The following KCNQ1 variants were observed in gnomAD, a reference collection of about 807,000 sequenced individuals.
The protein encoded by KCNQ1 is potassium voltage-gated channel subfamily KQT member 1.
In KCNQ1, 49 loss-of-function variants were observed where a neutral mutation model predicts 72.4. That is an observed-to-expected ratio of 0.68 (90% CI 0.54 to 0.86). The LOEUF (loss-of-function observed/expected upper bound fraction) is 0.86, where lower values mean the gene tolerates loss of function less well. Among genes scored for constraint, KCNQ1 ranks in the 40% least tolerant of loss-of-function variants. The pLI, the probability that KCNQ1 is intolerant of heterozygous loss-of-function variation, is 0.00. For synonymous variants in KCNQ1, 450 were observed against 412.6 expected, an observed-to-expected ratio of 1.09 and a Z score of -1.10; for missense variants, 790 against 945.1, an observed-to-expected ratio of 0.84 and a Z score of 2.15.
intron 10 of KCNQ1, chr11:2,643,441 A>T: frequency 2.5e-6 from 1 of 397,734 alleles, no homozygotes; most frequent in African/African-American, 2.1e-5. Context: ...TTTTAGCTTA[A>T]CCTTTGTTTT....
intron 11 of KCNQ1, chr11:2,696,886 T>C (rs1850686085): frequency 5.0e-6 from 2 of 398,620 alleles, no homozygotes; most frequent in Non-Finnish European, 4.4e-6. Flanking sequence ...TGGTTTGTTT[T>C]TGTTTTTTGT....
At chr11:2,665,342 A>G (rs1438534118) in intron 11 of KCNQ1, 2 of 398,284 alleles carry the variant, frequency 5.0e-6, no homozygotes, top group Non-Finnish European at 8.8e-6. Flanking sequence ...GTAGGCCTGC[A>G]TGGGCAGTTG....
intron 15 of KCNQ1, among the ~76,000 whole-genome samples, chr11:2,837,663 G>A (rs1164369402): frequency 6.6e-6 from 1 of 152,172 alleles, no homozygotes; most frequent in East Asian, 1.9e-4. Context: ...ACCAGGAGGG[G>A]GAAGGGAGGG....
chr11:2,751,556 G>T (rs560614116), intron 11 of KCNQ1, among the ~76,000 whole-genome samples: 4 of 152,380 alleles, frequency 2.6e-5, no homozygotes, highest in African/African-American at 9.6e-5. Flanking sequence ...TTCACTGCTG[G>T]TGGGCACCAT....
In KCNQ1 at chr11:2,704,538, TAGG is replaced by T. The variant is rs986924796; in HGVS notation, c.1514+42461_1514+42463del. On this transcript the variant is annotated intron_variant, in intron 11 of 15. Coordinates refer to ENST00000155840, the MANE Select transcript of KCNQ1 (RefSeq NM_000218.3). The surrounding 1 kb of genome is among the most constrained non-coding windows in gnomAD (Gnocchi z 4.3). Reference sequence around the variant, plus strand: ...GAGGGGAGGCACAGTGGGGAGTCTCTAGGAGGTTTTGGGCAAGGCAGTGCCAAG... The same window carrying T: ...GAGGGGAGGCACAGTGGGGAGTCTCTAGGTTTTGGGCAAGGCAGTGCCAAG... Among the ~76,000 whole-genome samples the T allele has an allele frequency of 4.7e-4, 71 of 152,116 alleles. No homozygotes were observed. Among genetic ancestry groups the T allele is most frequent in the African/African-American group, 1.7e-3 (69 of 41,416 alleles).
At chr11:2,597,822 C>T (rs543237155) in intron 10 of KCNQ1, among the ~76,000 whole-genome samples, 1 of 152,128 alleles carries the variant, frequency 6.6e-6, no homozygotes, top group South Asian at 2.1e-4. Context: ...GTAATTTATT[C>T]ATTGCTATTT....
intron 15 of KCNQ1, among the ~76,000 whole-genome samples, chr11:2,836,745 C>T (rs891897028): frequency 3.3e-5 from 5 of 152,220 alleles, no homozygotes; most frequent in Admixed American, 6.5e-5. Context: ...TCGCCTCACT[C>T]GTGCTAAACC....
At chr11:2,643,765 T>C (rs1339635920) in intron 10 of KCNQ1, 6 of 398,484 alleles carry the variant, frequency 1.5e-5, no homozygotes, top group African/African-American at 6.2e-5. Flanking sequence ...TAAGCATTTT[T>C]TGTAGTGCCA....
intron 11 of KCNQ1, among the ~76,000 whole-genome samples, chr11:2,751,649 G>C (rs749887073): frequency 6.6e-6 from 1 of 152,262 alleles, no homozygotes; most frequent in Non-Finnish European, 1.5e-5. Flanking sequence ...TTCTGAGAGC[G>C]GTGGCTGTCC....
intron 15 of KCNQ1, 96 bp downstream of exon 15, chr11:2,778,133 G>T: frequency 8.1e-7 from 1 of 1,229,150 alleles, no homozygotes; most frequent in Non-Finnish European, 1.2e-6. Context: ...AGCTCCTGCA[G>T]GCCTCCCCAC....
rs1340847920 is a variant in KCNQ1, at chr11:2,628,492, A to T, written c.1394-33469A>T. Reference sequence around the variant, plus strand: ...ATCTTAACAGGTTATTAATTGGGTTATTAAGTTTTTTTGCTAGTTATATGA... The same window carrying T: ...ATCTTAACAGGTTATTAATTGGGTTTTTAAGTTTTTTTGCTAGTTATATGA... On this transcript the variant is annotated intron_variant, in intron 10 of 15. Transcript: ENST00000155840. 15 of 398,234 alleles carry T rather than the reference A, an allele frequency of 3.8e-5. No homozygotes were observed. The East Asian group carries it at 5.4e-4, about 14-fold the overall frequency. 24.7% of individuals were successfully genotyped at this position (398,234 alleles called of 1,614,324 possible). A position where few individuals can be genotyped will look rare whatever the true frequency, so the allele number is the denominator to read the frequency against.
intron 1 of KCNQ1, among the ~76,000 whole-genome samples, chr11:2,465,900 C>T (rs769761147): frequency 2.0e-5 from 3 of 152,174 alleles, no homozygotes; most frequent in Admixed American, 1.3e-4. Context: ...TGCTGCCAGG[C>T]GGGTCTAGAT....
chr11:2,470,854 A>G (rs992522977), intron 1 of KCNQ1, among the ~76,000 whole-genome samples: 4 of 152,204 alleles, frequency 2.6e-5, no homozygotes, highest in African/African-American at 9.7e-5. Flanking sequence ...GATGAAGTCC[A>G]GTTTATCAAC....
rs1324295293 is a variant in KCNQ1, at chr11:2,784,390, C to A, written c.1794+6353C>A. On this transcript the variant is annotated intron_variant, in intron 15 of 15. Coordinates refer to ENST00000155840, the MANE Select transcript of KCNQ1 (RefSeq NM_000218.3). The surrounding 1 kb of genome is among the most constrained non-coding windows in gnomAD (Gnocchi z 4.7). Reference sequence around the variant, plus strand: ...ATATGCCTTTCTGTAAGTCTATATGCCTTTCTGTAAACCCATACTATACTG... The same window carrying A: ...ATATGCCTTTCTGTAAGTCTATATGACTTTCTGTAAACCCATACTATACTG... Among the ~76,000 whole-genome samples the A allele has an allele frequency of 5.3e-5, 8 of 151,794 alleles. No homozygotes were observed. The highest frequency in any genetic ancestry group is 7.4e-5 in the Non-Finnish European group (5 of 67,808).
In KCNQ1 at chr11:2,669,323, C is replaced by A. The variant is rs546651752; in HGVS notation, c.1514+7242C>A. On this transcript the variant is annotated intron_variant, in intron 11 of 15. Coordinates refer to ENST00000155840, the MANE Select transcript of KCNQ1 (RefSeq NM_000218.3). This position sits in a 1 kb window ranked among gnomAD's most constrained non-coding sequence, Gnocchi z 5.6. ...ATATGCCAGTTGCCATGGAAAGCCT[C>A]CTCTAGGCGCAGCAGCCTCTAGATG... 1 of 398,624 alleles carries A rather than the reference C, an allele frequency of 2.5e-6. No individual in the cohort carries two copies. The highest frequency in any genetic ancestry group is 1.3e-4 in the South Asian group (1 of 7,852). 24.7% of individuals were successfully genotyped at this position (398,624 alleles called of 1,614,324 possible). A position where few individuals can be genotyped will look rare whatever the true frequency, so the allele number is the denominator to read the frequency against.
intron 15 of KCNQ1, among the ~76,000 whole-genome samples, chr11:2,796,899 G>A (rs1446681751): frequency 1.3e-5 from 2 of 152,184 alleles, no homozygotes; most frequent in Non-Finnish European, 2.9e-5. Flanking sequence ...AATAAAGGCC[G>A]CCTTTATCCC....
At position 2,828,962 on chromosome 11, in the gene KCNQ1, G is replaced by C. The variant is rs982986541; in HGVS notation, c.1795-18805G>C. The stretch of plus-strand genomic sequence containing the variant: ...CAATTCAGAAAGCTAGCACATAGTA[G>C]AGAAATGCCTTCAAACATCTGAGGG... On this transcript the variant is annotated intron_variant, in intron 15 of 15. Coordinates refer to ENST00000155840, the MANE Select transcript of KCNQ1 (RefSeq NM_000218.3). This position sits in a 1 kb window ranked among gnomAD's most constrained non-coding sequence, Gnocchi z 5.3. 2.0e-5 allele frequency among the ~76,000 whole-genome samples: 3 copies of C among 152,186 alleles called. No individual in the cohort carries two copies. Among genetic ancestry groups the C allele is most frequent in the Non-Finnish European group, 4.4e-5 (3 of 68,028 alleles).
rs1173954679 is a variant in KCNQ1, at chr11:2,445,232, C to T, written c.134C>T (p.Pro45Leu). The change falls in exon 1 of 16, where the codon CCG becomes CTG. Residue 45 changes from proline to leucine, a missense_variant. Pro to Leu is a moderately conservative substitution (Grantham distance 98). This residue lies in a region of KCNQ1 where 294 missense variants were observed against 323.3 expected (regional missense o/e 0.91). Coordinates refer to ENST00000155840, the MANE Select transcript of KCNQ1 (RefSeq NM_000218.3). ...PFSLELAEGGPAGGALYAPIA... is the reference protein window; with the variant it reads ...PFSLELAEGGLAGGALYAPIA... ...TCGCTGGAGCTGGCGGAGGGCGGCC[C>T]GGCGGGCGGCGCGCTCTACGCGCCC... is the stretch of plus-strand genomic sequence containing the variant. 4 of 1,138,500 alleles carry T rather than the reference C, an allele frequency of 3.5e-6. No homozygotes were observed. Among genetic ancestry groups the T allele is most frequent in the Non-Finnish European group, 4.3e-6 (4 of 927,328 alleles). The allele number at this position is 1,138,500 out of a possible 1,614,324, so 70.5% of individuals were successfully genotyped here. A position where few individuals can be genotyped will look rare whatever the true frequency, so the allele number is the denominator to read the frequency against.
chr11:2,542,220 T>A (rs111229068), intron 2 of KCNQ1, among the ~76,000 whole-genome samples: 7,816 of 152,268 alleles, frequency 0.051, 263 homozygotes, highest in Non-Finnish European at 0.075. Context: ...GCCGAGGGTG[T>A]GGGGACATTG....
Sources: allele counts gnomAD v4.1 joint callset (sites outside exome capture counted in the v4.1 genomes callset), GRCh38; gene constraint gnomAD v4.1.1; regional missense constraint gnomAD v4.1.1; non-coding constraint Gnocchi (gnomAD v3.1); transcripts MANE v1.5; gene names NCBI Gene and HGNC (gene_info 2026-07-23, HGNC 2026-07-21).